The following TBX4 variants were observed in gnomAD, a reference collection of about 807,000 sequenced individuals.
TBX4 encodes T-box transcription factor TBX4.
In TBX4, 13 loss-of-function variants were observed where a neutral mutation model predicts 54.6. The ratio of observed to expected loss-of-function variants is 0.24; its 90% CI spans 0.15 to 0.38. The LOEUF (loss-of-function observed/expected upper bound fraction) is 0.38. TBX4 is among the 10% of genes least tolerant of loss of function. The probability of loss-of-function intolerance (pLI) is 1.00; values close to 1 mark genes in which losing one functional copy is unlikely to be tolerated. For synonymous variants in TBX4, 314 were observed against 306.7 expected, an observed-to-expected ratio of 1.02 and a Z score of -0.25; for missense variants, 631 against 728.5, an observed-to-expected ratio of 0.87 and a Z score of 1.54.
At chr17:61,456,239 A>T (rs1603248049) in intron 1 of TBX4, among the ~76,000 whole-genome samples, 1 of 152,022 alleles carries the variant, frequency 6.6e-6, no homozygotes, top group Admixed American at 6.6e-5. Flanking sequence ...TCATCACAGA[A>T]CCCCACACCC....
In TBX4 at chr17:61,478,455, G is replaced by C; in HGVS notation, c.550-172G>C. 1 of 811,026 alleles carries C rather than the reference G, an allele frequency of 1.2e-6. No individual in the cohort carries two copies. Among genetic ancestry groups the C allele is most frequent in the Admixed American group, 2.2e-5 (1 of 44,456 alleles). 50.2% of individuals were successfully genotyped at this position (811,026 alleles called of 1,614,324 possible). ...GTAGGGCTGGGGTGGGGAGAGTTTGGGGCCCAGGGGCCTGGTTCTTCACTT... is the reference window on the plus strand; with the variant it reads ...GTAGGGCTGGGGTGGGGAGAGTTTGCGGCCCAGGGGCCTGGTTCTTCACTT... On this transcript the variant is annotated intron_variant, in intron 5 of 8. Coordinates refer to ENST00000644296, the MANE Select transcript of TBX4 (RefSeq NM_001321120.2). This position sits in a 1 kb window ranked among gnomAD's most constrained non-coding sequence, Gnocchi z 7.4.
In TBX4 at chr17:61,475,277, C is replaced by T. The variant is rs1569041885; in HGVS notation, c.550-3350C>T. Among the ~76,000 whole-genome samples the T allele has an allele frequency of 6.6e-6, 1 of 152,166 alleles. No individual in the cohort carries two copies. The highest frequency in any genetic ancestry group is 2.4e-5 in the African/African-American group (1 of 41,442). Reference sequence around the variant, plus strand: ...CTTTATTCCAAGGGTCAAGAGGGAACAATCAAAGGTGGATTGTGTACATAA... The same window carrying T: ...CTTTATTCCAAGGGTCAAGAGGGAATAATCAAAGGTGGATTGTGTACATAA... On this transcript the variant is annotated intron_variant, in intron 5 of 8. Transcript: ENST00000644296. This position sits in a 1 kb window ranked among gnomAD's most constrained non-coding sequence, Gnocchi z 5.0.
chr17:61,461,739 T>G lies in TBX4; in HGVS notation c.282-4080T>G, dbSNP rs1429313023. On this transcript the variant is annotated intron_variant, in intron 3 of 8. Coordinates refer to ENST00000644296, the MANE Select transcript of TBX4 (RefSeq NM_001321120.2). This position sits in a 1 kb window ranked among gnomAD's most constrained non-coding sequence, Gnocchi z 5.1. ...CACCACCACCGCCCCAGAATCCTTCTTGTGTGCCTGCCCAGTCAGAGCCAT... is the reference window on the plus strand; with the variant it reads ...CACCACCACCGCCCCAGAATCCTTCGTGTGTGCCTGCCCAGTCAGAGCCAT... Among the ~76,000 whole-genome samples the G allele has an allele frequency of 6.6e-5, 10 of 152,192 alleles. No homozygotes were observed. The highest frequency in any genetic ancestry group is 5.2e-4 in the Admixed American group (8 of 15,290).
At chr17:61,467,355 C>G (rs1009962) in intron 4 of TBX4, among the ~76,000 whole-genome samples, 155 bp from the exon 5 acceptor site, 1 of 152,112 alleles carries the variant, frequency 6.6e-6, no homozygotes, top group Non-Finnish European at 1.5e-5. Flanking sequence ...CTCTGAACCT[C>G]ACACTCCTAC....
At chr17:61,455,593 A>AGG (rs1168957631) in intron 1 of TBX4, among the ~76,000 whole-genome samples, 1 of 152,224 alleles carries the variant, frequency 6.6e-6, no homozygotes, top group Non-Finnish European at 1.5e-5. Context: ...TGTGCCAGGC[A>AGG]GGGCTAAGCG....
chr17:61,469,873 G>A (rs373362235), intron 5 of TBX4, among the ~76,000 whole-genome samples: 1 of 152,224 alleles, frequency 6.6e-6, no homozygotes, highest in Non-Finnish European at 1.5e-5. Context: ...CAGTGCAAGA[G>A]GCTGGGGAAA....
chr17:61,478,530 A>G lies in TBX4; in HGVS notation c.550-97A>G. On this transcript the variant is annotated intron_variant, in intron 5 of 8. Coordinates refer to ENST00000644296, the MANE Select transcript of TBX4 (RefSeq NM_001321120.2). This position sits in a 1 kb window ranked among gnomAD's most constrained non-coding sequence, Gnocchi z 7.4. ...GCCCCGGATCCTGGGCTTTGAGGAG[A>G]ATGAGAAAAACCAGGCCAGGGCCAG... The G allele has an allele frequency of 6.5e-7, 1 of 1,544,652 alleles. No individual in the cohort carries two copies. Among genetic ancestry groups the G allele is most frequent in the Non-Finnish European group, 8.9e-7 (1 of 1,119,126 alleles).
rs570789610 is a variant in TBX4 at position 61,478,881 on chromosome 17, G to A, written c.702+102G>A. ...AGTGTGAAGCCAGAGTCCCAGCAGGGCTTGGGCAGGCCCAGTGCAGGGACC... is the reference window on the plus strand; with the variant it reads ...AGTGTGAAGCCAGAGTCCCAGCAGGACTTGGGCAGGCCCAGTGCAGGGACC... On this transcript the variant is annotated intron_variant, in intron 6 of 8. Coordinates refer to ENST00000644296, the MANE Select transcript of TBX4 (RefSeq NM_001321120.2). The surrounding 1 kb of genome is among the most constrained non-coding windows in gnomAD (Gnocchi z 7.4). 6.3e-7 allele frequency: 1 copy of A among 1,587,422 alleles called. No individual in the cohort carries two copies. Among genetic ancestry groups the A allele is most frequent in the East Asian group, 2.2e-5 (1 of 44,714 alleles).
In TBX4 at chr17:61,459,744, T is replaced by A. The variant is rs2060481418; in HGVS notation, c.281+2113T>A. Reference sequence around the variant, plus strand: ...AATATTTCTAAAATGGCTGTGATGATGTTGGCCAATTATGGATCCATCACA... The same window carrying A: ...AATATTTCTAAAATGGCTGTGATGAAGTTGGCCAATTATGGATCCATCACA... On this transcript the variant is annotated intron_variant, in intron 3 of 8. Transcript: ENST00000644296. The surrounding 1 kb of genome is among the most constrained non-coding windows in gnomAD (Gnocchi z 4.8). 6.6e-6 allele frequency among the ~76,000 whole-genome samples: 1 copy of A among 152,182 alleles called. No individual in the cohort carries two copies. The highest frequency in any genetic ancestry group is 6.5e-5 in the Admixed American group (1 of 15,286).
At position 61,478,061 on chromosome 17, in the gene TBX4, C is replaced by CCT. The variant is rs112918419; in HGVS notation, c.550-558_550-557dup. 5.2e-3 allele frequency among the ~76,000 whole-genome samples: 793 copies of CCT among 152,118 alleles called. 9 individuals are homozygous for CCT. Among genetic ancestry groups the CCT allele is most frequent in the African/African-American group, 0.017 (692 of 41,496 alleles). On this transcript the variant is annotated intron_variant, in intron 5 of 8. Coordinates refer to ENST00000644296, the MANE Select transcript of TBX4 (RefSeq NM_001321120.2). This position sits in a 1 kb window ranked among gnomAD's most constrained non-coding sequence, Gnocchi z 7.4. ...GTGGGACATTTTCCTCAGCTTTTTC[C>CCT]CTCTCTCTCATCCTGCAAAACCCAA...
rs149977669 is a variant in TBX4 at position 61,483,613 on chromosome 17, AGTGTGTGTGTGTGTGT to A, written c.*122_*137del. 31 of 782,772 alleles carry A rather than the reference AGTGTGTGTGTGTGTGT, an allele frequency of 4.0e-5. No individual in the cohort carries two copies. Among genetic ancestry groups the A allele is most frequent in the Middle Eastern group, 3.7e-4 (1 of 2,738 alleles). The allele number at this position is 782,772 out of a possible 1,614,324, so 48.5% of individuals were successfully genotyped here. A position where few individuals can be genotyped will look rare whatever the true frequency, so the allele number is the denominator to read the frequency against. ...ACCAAGAAACACAGGAAGGTATTCC[AGTGTGTGTGTGTGTGT>A]GTGTGTGTGTGTGTGTGTGTGTGTA... On this transcript the variant is annotated 3_prime_UTR_variant, in exon 9 of 9. Transcript: ENST00000644296. The surrounding 1 kb of genome is among the most constrained non-coding windows in gnomAD (Gnocchi z 6.6).
In TBX4 at chr17:61,472,271, T is replaced by G. The variant is rs1249156968; in HGVS notation, c.549+4614T>G. On this transcript the variant is annotated intron_variant, in intron 5 of 8. Transcript: ENST00000644296. This position sits in a 1 kb window ranked among gnomAD's most constrained non-coding sequence, Gnocchi z 4.5. ...TTCCCCTCCATGGGAGCTGTACTGA[T>G]GTATATATTTCCACCACTGCTGTGG... Among the ~76,000 whole-genome samples, 1 of 152,218 alleles carries G rather than the reference T, an allele frequency of 6.6e-6. No homozygotes were observed. The highest frequency in any genetic ancestry group is 1.5e-5 in the Non-Finnish European group (1 of 68,040).
chr17:61,478,473 C>A lies in TBX4; in HGVS notation c.550-154C>A. On this transcript the variant is annotated intron_variant, in intron 5 of 8. Transcript: ENST00000644296. The surrounding 1 kb of genome is among the most constrained non-coding windows in gnomAD (Gnocchi z 7.4). ...GAGTTTGGGGCCCAGGGGCCTGGTT[C>A]TTCACTTGGGAGCTCCAGTCCTGGT... The A allele has an allele frequency of 9.9e-7, 1 of 1,013,138 alleles. No homozygotes were observed. The highest frequency in any genetic ancestry group is 1.5e-6 in the Non-Finnish European group (1 of 674,172). The allele number at this position is 1,013,138 out of a possible 1,614,324, so 62.8% of individuals were successfully genotyped here.
At position 61,478,066 on chromosome 17, in the gene TBX4, C is replaced by T. The variant is rs1323117371; in HGVS notation, c.550-561C>T. Among the ~76,000 whole-genome samples the T allele has an allele frequency of 6.6e-6, 1 of 152,166 alleles. No individual in the cohort carries two copies. Among genetic ancestry groups the T allele is most frequent in the African/African-American group, 2.4e-5 (1 of 41,432 alleles). On this transcript the variant is annotated intron_variant, in intron 5 of 8. Coordinates refer to ENST00000644296, the MANE Select transcript of TBX4 (RefSeq NM_001321120.2). This position sits in a 1 kb window ranked among gnomAD's most constrained non-coding sequence, Gnocchi z 7.4. ...ACATTTTCCTCAGCTTTTTCCCTCT[C>T]TCTCATCCTGCAAAACCCAAGTATT...
chr17:61,455,345 T>G (rs1348156085), intron 1 of TBX4, among the ~76,000 whole-genome samples: 3 of 152,046 alleles, frequency 2.0e-5, no homozygotes, highest in Admixed American at 6.5e-5. Flanking sequence ...GCATTCCGCC[T>G]CAAGAAGGGC....
chr17:61,477,892 G>C (rs2060632256), intron 5 of TBX4, among the ~76,000 whole-genome samples: 1 of 135,914 alleles, frequency 7.4e-6, no homozygotes, highest in Non-Finnish European at 1.5e-5. Flanking sequence ...AGTGAGCCAA[G>C]ATTGCGGCAC....
rs751019794 is a variant in TBX4, at chr17:61,482,982, T to C, written c.1107T>C (p.Arg369=). 1.9e-6 allele frequency: 3 copies of C among 1,613,920 alleles called. No individual in the cohort carries two copies. The highest frequency in any genetic ancestry group is 2.5e-6 in the Non-Finnish European group (3 of 1,179,922). The part of the protein sequence containing the change: ...PSSVGEDHYF[R]SPPPYDQQML... ...CGGTGGGGGAGGATCACTATTTCCG[T>C]TCCCCCCCTCCCTACGACCAGCAAA... Residue 369 remains arginine (R), a synonymous_variant, in exon 9 of 9, where the codon CGT becomes CGC. Transcript: ENST00000644296.
intron 5 of TBX4, among the ~76,000 whole-genome samples, chr17:61,477,064 C>A (rs1286097652): frequency 2.0e-5 from 3 of 152,210 alleles, no homozygotes; most frequent in African/African-American, 7.2e-5. Context: ...TCCCTGGGAA[C>A]CTAGAAGGGT....
In TBX4 at chr17:61,467,533, C is replaced by T. The variant is rs1292651626; in HGVS notation, c.425C>T (p.Pro142Leu). The T allele has an allele frequency of 3.7e-6, 6 of 1,614,048 alleles. No homozygotes were observed. The highest frequency in any genetic ancestry group is 5.1e-6 in the Non-Finnish European group (6 of 1,180,040). Residue 142 changes from proline (P) to leucine (L), a missense_variant, in exon 5 of 9, where the codon CCA (proline) becomes CTA (leucine). This residue lies in a region of TBX4 where 154 missense variants were observed against 238.6 expected (regional missense o/e 0.65). Coordinates refer to ENST00000644296, the MANE Select transcript of TBX4 (RefSeq NM_001321120.2). ...NKWMVAGKAEPAMPGRLYVHP... is the reference protein window; with the variant it reads ...NKWMVAGKAELAMPGRLYVHP... ...AGGATGGTGGCAGGGAAGGCTGAGCCAGCCATGCCAGGAAGGCTGTATGTC... is the reference window on the plus strand; with the variant it reads ...AGGATGGTGGCAGGGAAGGCTGAGCTAGCCATGCCAGGAAGGCTGTATGTC...
Sources: allele counts gnomAD v4.1 joint callset (sites outside exome capture counted in the v4.1 genomes callset), GRCh38; gene constraint gnomAD v4.1.1; regional missense constraint gnomAD v4.1.1; non-coding constraint Gnocchi (gnomAD v3.1); transcripts MANE v1.5; gene names NCBI Gene and HGNC (gene_info 2026-07-23, HGNC 2026-07-21).